The following ELMO1 variants were observed in gnomAD, a reference collection of about 807,000 sequenced individuals.
ELMO1 encodes the protein engulfment and cell motility protein 1.
A neutral mutation model predicts 98.9 loss-of-function variants in ELMO1; 26 were observed. The observed-to-expected ratio is 0.26, with a 90% CI of 0.19 to 0.36. ELMO1 has a LOEUF of 0.36. Among genes scored for constraint, ELMO1 ranks in the 10% least tolerant of loss-of-function variants. ELMO1 has a pLI of 1.00. For synonymous variants in ELMO1, 346 were observed against 346.0 expected (o/e 1.00, Z 0.00); for missense variants, 627 against 935.2 (o/e 0.67, Z 4.30).
At chr7:37,318,802 A>G (rs1799338440) in intron 2 of ELMO1, among the ~76,000 whole-genome samples, 1 of 152,124 alleles carries the variant, frequency 6.6e-6, no homozygotes, top group Non-Finnish European at 1.5e-5. Context: ...TCACCACCCA[A>G]AAACTAATTC....
At chr7:37,176,512 G>A (rs937616875) in intron 13 of ELMO1, among the ~76,000 whole-genome samples, 1 of 152,042 alleles carries the variant, frequency 6.6e-6, no homozygotes, top group African/African-American at 2.4e-5. Flanking sequence ...AAAAATACTA[G>A]AACATTGAAT....
chr7:37,273,089 A>T (rs1320022663), intron 4 of ELMO1, among the ~76,000 whole-genome samples: 2 of 152,206 alleles, frequency 1.3e-5, no homozygotes, highest in African/African-American at 4.8e-5. Context: ...ACATTTGCTG[A>T]TTCCTTTTGC....
intron 15 of ELMO1, among the ~76,000 whole-genome samples, chr7:37,028,768 GA>G (rs1253600076): frequency 6.6e-6 from 1 of 152,056 alleles, no homozygotes; most frequent in Non-Finnish European, 1.5e-5. Context: ...TTTTTGTACA[GA>G]AAAGGTCTTG....
intron 16 of ELMO1, among the ~76,000 whole-genome samples, chr7:36,950,562 G>C (rs1159689986): frequency 1.3e-5 from 2 of 152,134 alleles, no homozygotes; most frequent in African/African-American, 4.8e-5. Context: ...TATCTCTTTT[G>C]TCCTTCCTAA....
At position 37,237,443 on chromosome 7, in the gene ELMO1, C is replaced by T. The variant is rs564210718; in HGVS notation, c.450-4249G>A. On this transcript the variant is annotated intron_variant, in intron 7 of 21. Coordinates refer to ENST00000310758, the MANE Select transcript of ELMO1 (RefSeq NM_014800.11). ...TAGCTGGGATTACAGGTGCACACCA[C>T]CATGCCCAGCTAATTTTTGTATTTT... Among the ~76,000 whole-genome samples, 4 of 152,250 alleles carry T rather than the reference C, an allele frequency of 2.6e-5. No homozygotes were observed. The South Asian group carries it at 8.3e-4, about 32-fold the overall frequency.
chr7:37,194,168 C>G (rs866712645), intron 13 of ELMO1, among the ~76,000 whole-genome samples: 3 of 152,196 alleles, frequency 2.0e-5, no homozygotes, highest in Non-Finnish European at 4.4e-5. Flanking sequence ...AAAACACTTG[C>G]CAGGTTACTG....
At chr7:36,963,106 T>C (rs563451938) in intron 16 of ELMO1, among the ~76,000 whole-genome samples, 2 of 152,270 alleles carry the variant, frequency 1.3e-5, no homozygotes, top group African/African-American at 4.8e-5. Flanking sequence ...ATCTTTGAGC[T>C]GGGCGTGGTG....
At chr7:37,059,736 A>C (rs1248385956) in intron 15 of ELMO1, among the ~76,000 whole-genome samples, 1 of 152,180 alleles carries the variant, frequency 6.6e-6, no homozygotes, top group East Asian at 1.9e-4. Flanking sequence ...CCTCTCTCAA[A>C]TGTTCCCACC....
intron 14 of ELMO1, among the ~76,000 whole-genome samples, chr7:37,113,357 GC>G (rs993102451): frequency 6.6e-6 from 1 of 152,240 alleles, no homozygotes; most frequent in Non-Finnish European, 1.5e-5. Flanking sequence ...AGGTTTGCTG[GC>G]TAGTAAGGGT....
intron 16 of ELMO1, among the ~76,000 whole-genome samples, chr7:36,939,727 C>G (rs1205931308): frequency 3.9e-5 from 6 of 152,196 alleles, no homozygotes; most frequent in Non-Finnish European, 8.8e-5. Context: ...TCTCAGAAAG[C>G]CAGGCCGACA....
intron 1 of ELMO1, among the ~76,000 whole-genome samples, chr7:37,409,991 A>T (rs751740273): frequency 6.6e-6 from 1 of 152,216 alleles, no homozygotes; most frequent in African/African-American, 2.4e-5. Context: ...TGAAAAGGTA[A>T]TTATCTCCCT....
At chr7:37,134,681 C>T (rs1010320092) in intron 13 of ELMO1, among the ~76,000 whole-genome samples, 1 of 151,566 alleles carries the variant, frequency 6.6e-6, no homozygotes, top group Non-Finnish European at 1.5e-5. Flanking sequence ...CAATGGATGA[C>T]TGGATAAAGA....
intron 5 of ELMO1, among the ~76,000 whole-genome samples, chr7:37,265,505 A>C (rs930718566): frequency 2.0e-5 from 3 of 152,022 alleles, no homozygotes; most frequent in African/African-American, 7.2e-5. Flanking sequence ...GAGTAGCTCG[A>C]AAGTGTTGCC....
At position 37,280,382 on chromosome 7, in the gene ELMO1, C is replaced by G. The variant is rs567638079; in HGVS notation, c.193-8500G>C. Reference sequence around the variant, plus strand: ...CTAATTAAACTAAAGAGCTTTTGCACAGCAAAGGGAACAGTCAGCAGAGTA... The same window carrying G: ...CTAATTAAACTAAAGAGCTTTTGCAGAGCAAAGGGAACAGTCAGCAGAGTA... On this transcript the variant is annotated intron_variant, in intron 4 of 21. Transcript: ENST00000310758. Among the ~76,000 whole-genome samples, 21 of 152,136 alleles carry G rather than the reference C, an allele frequency of 1.4e-4. 1 individual carries two copies. The Middle Eastern group carries it at 0.01, about 74-fold the overall frequency.
chr7:36,977,728 G>A (rs554671926), intron 16 of ELMO1, among the ~76,000 whole-genome samples: 3 of 152,152 alleles, frequency 2.0e-5, no homozygotes, highest in Non-Finnish European at 4.4e-5. Flanking sequence ...GAAGGAGGGC[G>A]GAAGGCAAAG....
At chr7:37,314,821 T>C in intron 4 of ELMO1, 29 bp downstream of exon 4, 1 of 1,575,176 alleles carries the variant, frequency 6.3e-7, no homozygotes, top group Non-Finnish European at 8.7e-7. Flanking sequence ...TCAATATGTA[T>C]CCCATATTAA....
chr7:37,347,015 T>C (rs538921308), intron 1 of ELMO1, among the ~76,000 whole-genome samples: 18 of 152,264 alleles, frequency 1.2e-4, no homozygotes, highest in South Asian at 2.1e-4. Flanking sequence ...CCTTGGGAAT[T>C]CACTTAACCA....
intron 15 of ELMO1, among the ~76,000 whole-genome samples, chr7:37,076,102 G>A (rs962365657): frequency 6.6e-6 from 1 of 152,130 alleles, no homozygotes; most frequent in Admixed American, 6.5e-5. Context: ...CTACTTGTGA[G>A]GCACTCTAAA....
Position 36,896,520 on chromosome 7 carries a change from TAGAC to T in ELMO1, c.1438-1507_1438-1504del, listed in dbSNP as rs985618328. Among the ~76,000 whole-genome samples, 3 of 152,192 alleles carry T rather than the reference TAGAC, an allele frequency of 2.0e-5. No individual in the cohort carries two copies. In the East Asian group the frequency reaches 5.8e-4, roughly 29 times the overall value. ...TGAAGACATTTCATGGGAATGGAAA[TAGAC>T]AGATAATCTGGAACACCACTGTGTA... On this transcript the variant is annotated intron_variant, in intron 16 of 21. Transcript: ENST00000310758.
Sources: gnomAD v4.1 joint callset for allele counts (sites outside exome capture counted in the v4.1 genomes callset) on GRCh38, gnomAD v4.1.1 for gene constraint, MANE v1.5 for transcripts, NCBI Gene and HGNC (gene_info 2026-07-23, HGNC 2026-07-21) for gene names.